The following RNF121 variants were observed in gnomAD, a reference collection of about 807,000 sequenced individuals.
RNF121 encodes the protein E3 ubiquitin ligase RNF121.
In RNF121, 21 loss-of-function variants were observed where a neutral mutation model predicts 46.5. That is an observed-to-expected ratio of 0.45 (90% CI 0.32 to 0.65). The LOEUF is 0.65. Ranked by LOEUF, RNF121 falls within the 30% of genes least tolerant of loss-of-function variation. The pLI is 0.04. For synonymous variants in RNF121, 139 were observed against 144.7 expected (o/e 0.96, Z 0.28); for missense variants, 346 against 416.0 (o/e 0.83, Z 1.46).
chr11:71,949,345 A>G lies in RNF121; in HGVS notation c.64-7882A>G, dbSNP rs7939435. On this transcript the variant is annotated intron_variant, in intron 1 of 8. Coordinates refer to ENST00000361756, the MANE Select transcript of RNF121 (RefSeq NM_018320.5). ...AGGTGGGAGGATTGCTTAGGCCTGG[A>G]AAGTCGACACTGCAGTGATCTGTGA... is the stretch of plus-strand genomic sequence containing the variant. Among the ~76,000 whole-genome samples, 1,363 of 151,880 alleles carry G rather than the reference A, an allele frequency of 9.0e-3. 18 individuals carry two copies. Among genetic ancestry groups the G allele is most frequent in the African/African-American group, 0.032 (1,319 of 41,390 alleles).
intron 3 of RNF121, among the ~76,000 whole-genome samples, chr11:71,980,094 T>C (rs1440696207): frequency 2.0e-5 from 3 of 152,176 alleles, no homozygotes; most frequent in Non-Finnish European, 4.4e-5. Context: ...ATTATTTGGG[T>C]AGCCATTTGT....
Position 71,976,251 on chromosome 11 carries a change from T to C in RNF121, c.244-6510T>C, listed in dbSNP as rs547845099. Among the ~76,000 whole-genome samples, 8 of 152,068 alleles carry C rather than the reference T, an allele frequency of 5.3e-5. No homozygotes were observed. In the East Asian group the frequency reaches 1.5e-3, roughly 29 times the overall value. On this transcript the variant is annotated intron_variant, in intron 3 of 8. Coordinates refer to ENST00000361756, the MANE Select transcript of RNF121 (RefSeq NM_018320.5). ...TGCTTATTTGTTAGTGTTCTTTGTA[T>C]AGTGTGGCCCCAAGCCCTGATCCTA...
In RNF121 at chr11:71,973,712, G is replaced by A. The variant is rs1018101531; in HGVS notation, c.244-9049G>A. Among the ~76,000 whole-genome samples, 4 of 151,640 alleles carry A rather than the reference G, an allele frequency of 2.6e-5. No individual in the cohort carries two copies. The East Asian group carries it at 7.9e-4, about 30-fold the overall frequency. Reference sequence around the variant, plus strand: ...TGAGGCAGGAGTATTGCCTGAACCCGGGCAGTGGAGGTTGCAGTGAGTCAA... The same window carrying A: ...TGAGGCAGGAGTATTGCCTGAACCCAGGCAGTGGAGGTTGCAGTGAGTCAA... On this transcript the variant is annotated intron_variant, in intron 3 of 8. Coordinates refer to ENST00000361756, the MANE Select transcript of RNF121 (RefSeq NM_018320.5).
chr11:71,967,356 T>TG (rs1380459944), intron 3 of RNF121, among the ~76,000 whole-genome samples: 28 of 136,380 alleles, frequency 2.1e-4, no homozygotes, highest in East Asian at 6.3e-4. Context: ...TTTGTTTTTT[T>TG]TTTTTTTTTT....
At chr11:71,929,574 G>C (rs780201061) in intron 1 of RNF121, among the ~76,000 whole-genome samples, 2 of 152,088 alleles carry the variant, frequency 1.3e-5, no homozygotes, top group Non-Finnish European at 2.9e-5. Flanking sequence ...TAGTAGTATA[G>C]CTTTGAGTTA....
intron 5 of RNF121, among the ~76,000 whole-genome samples, chr11:71,988,831 T>C (rs562548510): frequency 2.0e-5 from 3 of 151,918 alleles, no homozygotes; most frequent in South Asian, 4.2e-4. Flanking sequence ...TCGAAAAAAA[T>C]AAAAATAAAT....
At chr11:71,967,765 A>G (rs1954321416) in intron 3 of RNF121, among the ~76,000 whole-genome samples, 1 of 152,132 alleles carries the variant, frequency 6.6e-6, no homozygotes, top group African/African-American at 2.4e-5. Context: ...GTTACATACT[A>G]CAAACATTTC....
intron 1 of RNF121, chr11:71,938,825 CT>C (rs138326131): frequency 1.3e-5 from 2 of 152,770 alleles, no homozygotes; most frequent in African/African-American, 4.8e-5. Context: ...GTTTTGAGCT[CT>C]GTAAATATGG....
At chr11:71,959,480 C>T (rs1954075618) in intron 2 of RNF121, among the ~76,000 whole-genome samples, 1 of 152,102 alleles carries the variant, frequency 6.6e-6, no homozygotes, top group Admixed American at 6.6e-5. Flanking sequence ...TCCTTTTCCT[C>T]CCTCCTAAAT....
At chr11:71,964,985 G>T (rs192545930) in intron 3 of RNF121, among the ~76,000 whole-genome samples, 41 of 152,244 alleles carry the variant, frequency 2.7e-4, no homozygotes, top group Admixed American at 2.6e-3. Context: ...ACAGGATGAG[G>T]TTTTCATTCT....
intron 3 of RNF121, among the ~76,000 whole-genome samples, chr11:71,969,676 CCTCAGCCTCCCAG>C (rs1379557762): frequency 1.3e-5 from 2 of 152,162 alleles, no homozygotes; most frequent in Non-Finnish European, 2.9e-5. Context: ...GATCCTCCCA[CCTCAGCCTCCCAG>C]GTAAATGGGA....
chr11:71,987,038 A>G lies in RNF121; in HGVS notation c.433A>G (p.Ile145Val). The change falls in exon 5 of 9, where the codon ATC (isoleucine) becomes GTC (valine). Residue 145 changes from isoleucine (I) to valine (V), a missense_variant. By Grantham distance (29) the Ile-to-Val change is conservative. Around this residue, in one of 2 missense-constraint regions of RNF121, gnomAD observed 286 missense variants for 383.8 expected, o/e 0.75. Transcript: ENST00000361756. The part of the protein sequence containing the change: ...VYKWFLLIYK[I>V]SYATGIVGYM... ...TAAGTGGTTCCTGCTAATCTATAAAATCAGCTATGCCACTGGCATTGTTGG... is the reference window on the plus strand; with the variant it reads ...TAAGTGGTTCCTGCTAATCTATAAAGTCAGCTATGCCACTGGCATTGTTGG... 2 of 1,613,960 alleles carry G rather than the reference A, an allele frequency of 1.2e-6. No individual in the cohort carries two copies. The highest frequency in any genetic ancestry group is 1.7e-6 in the Non-Finnish European group (2 of 1,179,872).
At position 71,996,932 on chromosome 11, in the gene RNF121, A is replaced by G. The variant is rs570442062; in HGVS notation, c.*617A>G. ...TGGAACCTTATCAGTGACTTGGCCA[A>G]CAAGGGAAGCCTTGGGGCCTCAGAA... On this transcript the variant is annotated 3_prime_UTR_variant, in exon 9 of 9. Coordinates refer to ENST00000361756, the MANE Select transcript of RNF121 (RefSeq NM_018320.5). The G allele has an allele frequency of 2.0e-5, 3 of 152,556 alleles. No homozygotes were observed. The highest frequency in any genetic ancestry group is 2.1e-4 in the South Asian group (1 of 4,844). The allele number at this position is 152,556 out of a possible 1,614,324, so 9.5% of individuals were successfully genotyped here.
intron 1 of RNF121, among the ~76,000 whole-genome samples, chr11:71,936,721 T>C (rs1365115248): frequency 6.6e-6 from 1 of 152,176 alleles, no homozygotes; most frequent in East Asian, 1.9e-4. Flanking sequence ...TTATTATGAC[T>C]TAATAACACA....
intron 8 of RNF121, 40 bp downstream of exon 8, chr11:71,995,591 G>A: frequency 6.7e-7 from 1 of 1,502,342 alleles, no homozygotes; most frequent in Admixed American, 1.9e-5. Context: ...TGGGCTGTGG[G>A]AAGAAAGTAC....
intron 1 of RNF121, among the ~76,000 whole-genome samples, chr11:71,942,764 A>G (rs1391800090): frequency 7.9e-5 from 4 of 50,802 alleles, no homozygotes; most frequent in Non-Finnish European, 1.4e-4. Context: ...AAAAAAATCT[A>G]TATATCTGTA....
At chr11:71,953,505 T>A (rs1313029265) in intron 1 of RNF121, among the ~76,000 whole-genome samples, 1 of 152,206 alleles carries the variant, frequency 6.6e-6, no homozygotes. Context: ...ACATATGAAT[T>A]ATTTCAGTAT....
chr11:71,964,709 A>G (rs1954231130), intron 3 of RNF121, among the ~76,000 whole-genome samples: 1 of 152,042 alleles, frequency 6.6e-6, no homozygotes, highest in Non-Finnish European at 1.5e-5. Flanking sequence ...GCCCTCCTGA[A>G]CTCAAGCAAT....
intron 1 of RNF121, among the ~76,000 whole-genome samples, chr11:71,936,702 G>T (rs892757272): frequency 8.5e-5 from 13 of 152,138 alleles, no homozygotes; most frequent in Non-Finnish European, 1.6e-4. Context: ...CCTTTTTCAG[G>T]TCACTTTTTT....
Sources: allele counts gnomAD v4.1 joint callset (sites outside exome capture counted in the v4.1 genomes callset), GRCh38; gene constraint gnomAD v4.1.1; regional missense constraint gnomAD v4.1.1; transcripts MANE v1.5; gene names NCBI Gene and HGNC (gene_info 2026-07-23, HGNC 2026-07-21).